Variants in EFNA5 observed in about 807,000 individuals in gnomAD.
The protein encoded by EFNA5 is ephrin A5.
In EFNA5, 5 loss-of-function variants were observed where a neutral mutation model predicts 22.9. The observed-to-expected ratio is 0.22, with a 90% CI of 0.11 to 0.46. The LOEUF (loss-of-function observed/expected upper bound fraction) is 0.46, where lower values mean the gene tolerates loss of function less well. Ranked by LOEUF, EFNA5 falls within the 20% of genes least tolerant of loss-of-function variation. The probability of loss-of-function intolerance (pLI) is 0.99; values close to 1 mark genes in which losing one functional copy is unlikely to be tolerated. For synonymous variants in EFNA5, 113 were observed against 112.2 expected, an observed-to-expected ratio of 1.01 and a Z score of -0.04; for missense variants, 237 against 293.3, an observed-to-expected ratio of 0.81 and a Z score of 1.40.
At chr5:107,461,996 GC>G (rs1749847938) in intron 1 of EFNA5, among the ~76,000 whole-genome samples, 2 of 152,168 alleles carry the variant, frequency 1.3e-5, no homozygotes, top group Admixed American at 1.3e-4. Context: ...AATGTGCCCT[GC>G]ACAGAGCAAC....
At chr5:107,615,147 T>TA (rs201929825) in intron 1 of EFNA5, among the ~76,000 whole-genome samples, 132 of 148,422 alleles carry the variant, frequency 8.9e-4, no homozygotes, top group African/African-American at 1.9e-3. Context: ...CTTCCACCTT[T>TA]AAAAAAAAAA....
At chr5:107,607,689 A>G (rs1749752434) in intron 1 of EFNA5, among the ~76,000 whole-genome samples, 1 of 152,158 alleles carries the variant, frequency 6.6e-6, no homozygotes, top group Non-Finnish European at 1.5e-5. Flanking sequence ...CTCTCAACAC[A>G]GTTTCTTCCA....
At chr5:107,398,142 C>T in intron 2 of EFNA5, among the ~76,000 whole-genome samples, 1 of 152,000 alleles carries the variant, frequency 6.6e-6, no homozygotes, top group African/African-American at 2.4e-5. Context: ...CCCTCTTTAT[C>T]CCTCCTACTC....
Position 107,634,473 on chromosome 5 carries a change from G to A in EFNA5, c.125+36016C>T, listed in dbSNP as rs970693676. Among the ~76,000 whole-genome samples the A allele has an allele frequency of 3.6e-5, 4 of 112,626 alleles. 1 individual carries two copies. Among genetic ancestry groups the A allele is most frequent in the Non-Finnish European group, 8.8e-5 (4 of 45,658 alleles). The allele number at this position is 112,626 out of a possible 152,430, so 73.9% of individuals were successfully genotyped here. ...TGAGGTTGCAGTTAGCTATGATGGC[G>A]CCACTGCACTGTAGCCTGGACAACA... On this transcript the variant is annotated intron_variant, in intron 1 of 4. Transcript: ENST00000333274.
intron 1 of EFNA5, among the ~76,000 whole-genome samples, chr5:107,633,650 A>C (rs539237787): frequency 6.6e-6 from 1 of 152,332 alleles, no homozygotes; most frequent in South Asian, 2.1e-4. Context: ...TGTTCCTTTT[A>C]TCAGTGACAG....
chr5:107,394,495 G>T (rs1030373732), intron 2 of EFNA5, among the ~76,000 whole-genome samples: 6 of 152,160 alleles, frequency 3.9e-5, no homozygotes, highest in African/African-American at 1.2e-4. Flanking sequence ...TATTCTGCAA[G>T]TTAAAACTTG....
In EFNA5 at chr5:107,652,887, C is replaced by A. The variant is rs185332752; in HGVS notation, c.125+17602G>T. Among the ~76,000 whole-genome samples the A allele has an allele frequency of 4.6e-5, 7 of 151,776 alleles. No homozygotes were observed. The South Asian group carries it at 8.4e-4, about 18-fold the overall frequency. ...TTCCATATTTAAATGATTTAATTTT[C>A]TTTTTCTAAAAAAAAATAGTTTAAA... On this transcript the variant is annotated intron_variant, in intron 1 of 4. Transcript: ENST00000333274.
At chr5:107,426,075 T>G (rs1748802715) in intron 2 of EFNA5, among the ~76,000 whole-genome samples, 1 of 152,220 alleles carries the variant, frequency 6.6e-6, no homozygotes, top group Non-Finnish European at 1.5e-5. Flanking sequence ...AATTGTCGAC[T>G]TATACTTTAA....
At chr5:107,541,465 A>C (rs1156509838) in intron 1 of EFNA5, among the ~76,000 whole-genome samples, 1 of 152,222 alleles carries the variant, frequency 6.6e-6, no homozygotes, top group Non-Finnish European at 1.5e-5. Flanking sequence ...ATCACCACAA[A>C]GTTACTTCAT....
chr5:107,574,125 T>C (rs1007420979), intron 1 of EFNA5, among the ~76,000 whole-genome samples: 1 of 152,254 alleles, frequency 6.6e-6, no homozygotes, highest in African/African-American at 2.4e-5. Context: ...GGGATAAGTA[T>C]GATAACTATC....
In EFNA5 at chr5:107,670,812, G is replaced by C; in HGVS notation, c.-199C>G. The C allele has an allele frequency of 3.0e-6, 2 of 655,778 alleles. No homozygotes were observed. The highest frequency in any genetic ancestry group is 5.1e-6 in the Non-Finnish European group (2 of 394,686). 40.6% of individuals were successfully genotyped at this position (655,778 alleles called of 1,614,324 possible). On this transcript the variant is annotated 5_prime_UTR_variant, in exon 1 of 5. Coordinates refer to ENST00000333274, the MANE Select transcript of EFNA5 (RefSeq NM_001962.3). ...TAGGAGAGCGAGAAGAAAAGAAGGC[G>C]GTGGGATGGGGGGTGATAAAGACAA... is the stretch of plus-strand genomic sequence containing the variant.
chr5:107,631,770 A>G (rs1197201240), intron 1 of EFNA5, among the ~76,000 whole-genome samples: 1 of 152,244 alleles, frequency 6.6e-6, no homozygotes, highest in Admixed American at 6.5e-5. Context: ...GGGGGGAAAT[A>G]AAGTTATCAG....
At chr5:107,638,026 T>C (rs1403681847) in intron 1 of EFNA5, among the ~76,000 whole-genome samples, 2 of 150,714 alleles carry the variant, frequency 1.3e-5, no homozygotes, top group Non-Finnish European at 3.0e-5. Context: ...TTTTGTATTT[T>C]TTTTTTTTAG....
chr5:107,564,115 G>T (rs967420245), intron 1 of EFNA5, among the ~76,000 whole-genome samples: 16 of 152,142 alleles, frequency 1.1e-4, no homozygotes, highest in Admixed American at 3.9e-4. Context: ...CAGGAGCTAG[G>T]GAGGCTGTGG....
chr5:107,482,285 G>A (rs1329228593), intron 1 of EFNA5, among the ~76,000 whole-genome samples: 5 of 144,388 alleles, frequency 3.5e-5, no homozygotes, highest in Non-Finnish European at 7.5e-5. Context: ...CAGCCTGGGT[G>A]ACAAAATGAG....
chr5:107,606,537 CAA>C (rs1749728128), intron 1 of EFNA5, among the ~76,000 whole-genome samples: 2 of 106,554 alleles, frequency 1.9e-5, no homozygotes, highest in South Asian at 7.4e-4. Context: ...CTTGCACGTA[CAA>C]CACACACACA....
chr5:107,459,865 C>G (rs1018431466), intron 1 of EFNA5, among the ~76,000 whole-genome samples: 1 of 152,112 alleles, frequency 6.6e-6, no homozygotes, highest in African/African-American at 2.4e-5. Flanking sequence ...GCTTTAATAG[C>G]CTTAACTTTG....
intron 1 of EFNA5, among the ~76,000 whole-genome samples, chr5:107,535,027 C>T (rs1031060722): frequency 2.6e-5 from 4 of 152,132 alleles, no homozygotes; most frequent in African/African-American, 9.7e-5. Context: ...CCTTCCTCCA[C>T]GTATGCCTTT....
chr5:107,399,094 T>C (rs751365314), intron 2 of EFNA5, among the ~76,000 whole-genome samples: 4 of 152,056 alleles, frequency 2.6e-5, no homozygotes, highest in Non-Finnish European at 5.9e-5. Flanking sequence ...GCCAGGGATA[T>C]ACAAAATTCA....
Sources: gnomAD v4.1 joint callset for allele counts (sites outside exome capture counted in the v4.1 genomes callset) on GRCh38, gnomAD v4.1.1 for gene constraint, MANE v1.5 for transcripts, NCBI Gene and HGNC (gene_info 2026-07-23, HGNC 2026-07-21) for gene names.